KCNQ1: variants seen among roughly 807,000 people sequenced by gnomAD.
KCNQ1 encodes potassium voltage-gated channel subfamily KQT member 1.
Under a neutral mutation model 72.4 loss-of-function variants are expected in KCNQ1, and 49 were observed. The ratio of observed to expected loss-of-function variants is 0.68; its 90% confidence interval spans 0.54 to 0.86. The LOEUF (loss-of-function observed/expected upper bound fraction) is 0.86. Ranked by LOEUF, KCNQ1 falls within the 40% of genes least tolerant of loss-of-function variation. The pLI is 0.00. For missense variants in KCNQ1, 790 were observed against 945.1 expected, an observed-to-expected ratio of 0.84 and a Z score of 2.15; for synonymous variants, 450 against 412.6, an observed-to-expected ratio of 1.09 and a Z score of -1.10.
rs574641318 is a variant in KCNQ1 at position 2,656,831 on chromosome 11, T to G, written c.1394-5130T>G. 1.0e-4 allele frequency: 40 copies of G among 398,626 alleles called. 2 individuals carry two copies. In the South Asian group the frequency reaches 5.0e-3, roughly 49 times the overall value. 24.7% of individuals were successfully genotyped at this position (398,626 alleles called of 1,614,324 possible). On this transcript the variant is annotated intron_variant, in intron 10 of 15. Coordinates refer to ENST00000155840, the MANE Select transcript of KCNQ1 (RefSeq NM_000218.3). ...TTCTTCTATATTCAGTCATGTGACC[T>G]TTATAGTTATGCTTTTCATAGTTAG...
rs1333223736 is a variant in KCNQ1, at chr11:2,468,178, C to G, written c.386+22694C>G. On this transcript the variant is annotated intron_variant, in intron 1 of 15. Coordinates refer to ENST00000155840, the MANE Select transcript of KCNQ1 (RefSeq NM_000218.3). This position sits in a 1 kb window ranked among gnomAD's most constrained non-coding sequence, Gnocchi z 5.7. ...TTTTATTTTTCGAGACAGGGTCTCCCTCTGTCACTTAGGCTAAGAGTGCAG... is the reference window on the plus strand; with the variant it reads ...TTTTATTTTTCGAGACAGGGTCTCCGTCTGTCACTTAGGCTAAGAGTGCAG... Among the ~76,000 whole-genome samples, 2 of 152,236 alleles carry G rather than the reference C, an allele frequency of 1.3e-5. No homozygotes were observed. Among genetic ancestry groups the G allele is most frequent in the African/African-American group, 4.8e-5 (2 of 41,456 alleles).
chr11:2,507,416 G>A lies in KCNQ1; in HGVS notation c.387-20512G>A, dbSNP rs911931091. 1.3e-5 allele frequency among the ~76,000 whole-genome samples: 2 copies of A among 152,074 alleles called. No homozygotes were observed. The highest frequency in any genetic ancestry group is 2.9e-5 in the Non-Finnish European group (2 of 68,012). ...GCTGTGGGATGGGACGGCGTGGTTT[G>A]CTCTAGAGGGTTTGAAGGAAGGGTG... On this transcript the variant is annotated intron_variant, in intron 1 of 15. Transcript: ENST00000155840. The surrounding 1 kb of genome is among the most constrained non-coding windows in gnomAD (Gnocchi z 5.4).
intron 7 of KCNQ1, among the ~76,000 whole-genome samples, chr11:2,583,991 T>G (rs1178088139): frequency 1.3e-5 from 2 of 152,176 alleles, no homozygotes; most frequent in Admixed American, 6.5e-5. Context: ...TGTGGGTGTG[T>G]GTGTGTGTGT....
At chr11:2,753,298 G>C (rs1846254500) in intron 11 of KCNQ1, among the ~76,000 whole-genome samples, 1 of 152,170 alleles carries the variant, frequency 6.6e-6, no homozygotes, top group Admixed American at 6.5e-5. Context: ...GAAGGGGTGA[G>C]GCTGGAGCCC....
chr11:2,718,436 C>T (rs1851136820), intron 11 of KCNQ1, among the ~76,000 whole-genome samples: 1 of 152,208 alleles, frequency 6.6e-6, no homozygotes, highest in Non-Finnish European at 1.5e-5. Context: ...TCCCCGTAGC[C>T]TCATGGGGCA....
Position 2,670,850 on chromosome 11 carries a change from G to A in KCNQ1, c.1514+8769G>A, listed in dbSNP as rs1053516184. 2.3e-5 allele frequency: 9 copies of A among 398,466 alleles called. No homozygotes were observed. The highest frequency in any genetic ancestry group is 6.2e-4 in the Middle Eastern group (1 of 1,610). The allele number at this position is 398,466 out of a possible 1,614,324, so 24.7% of individuals were successfully genotyped here. A position where few individuals can be genotyped will look rare whatever the true frequency, so the allele number is the denominator to read the frequency against. ...GTGCCACCAGCCAAGGAGGTCAAAG[G>A]TCCTCACTGGCCAGTGGGCCACTGG... On this transcript the variant is annotated intron_variant, in intron 11 of 15. Coordinates refer to ENST00000155840, the MANE Select transcript of KCNQ1 (RefSeq NM_000218.3). This position sits in a 1 kb window ranked among gnomAD's most constrained non-coding sequence, Gnocchi z 4.9.
chr11:2,570,010 G>T (rs965969639), intron 2 of KCNQ1, among the ~76,000 whole-genome samples: 3 of 152,200 alleles, frequency 2.0e-5, no homozygotes, highest in African/African-American at 7.2e-5. Context: ...TGCCCCTACC[G>T]CAGGTACACC....
intron 15 of KCNQ1, among the ~76,000 whole-genome samples, chr11:2,834,729 C>T (rs1015998055): frequency 8.5e-5 from 13 of 152,332 alleles, no homozygotes; most frequent in Non-Finnish European, 1.9e-4. Flanking sequence ...GTTGGGGAGA[C>T]ACCCCCAAGC....
Position 2,495,188 on chromosome 11 carries a change from C to T in KCNQ1, c.387-32740C>T, listed in dbSNP as rs1846890499. On this transcript the variant is annotated intron_variant, in intron 1 of 15. Transcript: ENST00000155840. This position sits in a 1 kb window ranked among gnomAD's most constrained non-coding sequence, Gnocchi z 4.6. ...TTCTGTGGGATCAGTGGTGATATCC[C>T]CTTTATCATTTTTTATTGCATCTAT... 6.6e-6 allele frequency among the ~76,000 whole-genome samples: 1 copy of T among 151,986 alleles called. No individual in the cohort carries two copies. Among genetic ancestry groups the T allele is most frequent in the Non-Finnish European group, 1.5e-5 (1 of 68,004 alleles).
intron 2 of KCNQ1, among the ~76,000 whole-genome samples, chr11:2,568,466 G>A (rs546033917): frequency 5.7e-4 from 87 of 152,298 alleles, no homozygotes; most frequent in Admixed American, 1.6e-3. Context: ...CAGCTCCGGG[G>A]ACTTGGAGCT....
At chr11:2,618,330 A>G (rs1361051969) in intron 10 of KCNQ1, 12 of 398,480 alleles carry the variant, frequency 3.0e-5, no homozygotes, top group Admixed American at 1.3e-4. Flanking sequence ...AAAAAATTCA[A>G]TGTTTTAACA....
At chr11:2,461,144 G>A (rs1467732206) in intron 1 of KCNQ1, among the ~76,000 whole-genome samples, 1 of 152,162 alleles carries the variant, frequency 6.6e-6, no homozygotes, top group East Asian at 1.9e-4. Flanking sequence ...TTGTCCTCAT[G>A]TGTCTCTGGG....
rs1194067812 is a variant in KCNQ1, at chr11:2,563,437, C to T, written c.478-7191C>T. On this transcript the variant is annotated intron_variant, in intron 2 of 15. Coordinates refer to ENST00000155840, the MANE Select transcript of KCNQ1 (RefSeq NM_000218.3). The surrounding 1 kb of genome is among the most constrained non-coding windows in gnomAD (Gnocchi z 7.4). ...GTCTCCTCTTTATGCCACTGTAACCCCACAACACCGGATACCAGCATGGGG... is the reference window on the plus strand; with the variant it reads ...GTCTCCTCTTTATGCCACTGTAACCTCACAACACCGGATACCAGCATGGGG... Among the ~76,000 whole-genome samples the T allele has an allele frequency of 1.3e-5, 2 of 152,230 alleles. No individual in the cohort carries two copies. The highest frequency in any genetic ancestry group is 2.9e-5 in the Non-Finnish European group (2 of 68,050).
intron 15 of KCNQ1, among the ~76,000 whole-genome samples, chr11:2,833,036 G>A (rs1847984489): frequency 6.6e-6 from 1 of 152,216 alleles, no homozygotes; most frequent in Non-Finnish European, 1.5e-5. Flanking sequence ...GCTCAGGGCA[G>A]GCTGGTGCCC....
chr11:2,606,208 TA>T (rs1256509652), intron 10 of KCNQ1, among the ~76,000 whole-genome samples: 1 of 152,248 alleles, frequency 6.6e-6, no homozygotes, highest in Non-Finnish European at 1.5e-5. Context: ...AATTGATTTT[TA>T]TATACTGATT....
chr11:2,693,585 A>C (rs1850624546), intron 11 of KCNQ1: 1 of 398,514 alleles, frequency 2.5e-6, no homozygotes, highest in South Asian at 1.3e-4. Flanking sequence ...TTCTTCCATA[A>C]ATGAGGCCAC....
At chr11:2,694,630 T>C (rs1211524186) in intron 11 of KCNQ1, 1 of 398,470 alleles carries the variant, frequency 2.5e-6, no homozygotes, top group African/African-American at 2.1e-5. Flanking sequence ...AATGAAACCA[T>C]TCAACAGAAA....
chr11:2,671,388 A>G lies in KCNQ1; in HGVS notation c.1514+9307A>G. Reference sequence around the variant, plus strand: ...TGAAAAAGGTACAGGAACACCTGGCATGCCTCTCCCAGGGTACTCTGGATG... The same window carrying G: ...TGAAAAAGGTACAGGAACACCTGGCGTGCCTCTCCCAGGGTACTCTGGATG... On this transcript the variant is annotated intron_variant, in intron 11 of 15. Coordinates refer to ENST00000155840, the MANE Select transcript of KCNQ1 (RefSeq NM_000218.3). This position sits in a 1 kb window ranked among gnomAD's most constrained non-coding sequence, Gnocchi z 4.7. 2 of 398,564 alleles carry G rather than the reference A, an allele frequency of 5.0e-6. No homozygotes were observed. The highest frequency in any genetic ancestry group is 8.8e-6 in the Non-Finnish European group (2 of 226,064). 24.7% of individuals were successfully genotyped at this position (398,564 alleles called of 1,614,324 possible).
chr11:2,573,719 G>C (rs1223069233), intron 6 of KCNQ1, among the ~76,000 whole-genome samples: 3 of 152,202 alleles, frequency 2.0e-5, no homozygotes, highest in Non-Finnish European at 4.4e-5. Context: ...TCCCGCACTG[G>C]AACACCGAGC....
Sources: allele counts gnomAD v4.1 joint callset (sites outside exome capture counted in the v4.1 genomes callset), GRCh38; gene constraint gnomAD v4.1.1; non-coding constraint Gnocchi (gnomAD v3.1); transcripts MANE v1.5; gene names NCBI Gene and HGNC (gene_info 2026-07-23, HGNC 2026-07-21).